PDE1C: variants seen among roughly 807,000 people sequenced by gnomAD.
PDE1C encodes the protein phosphodiesterase 1C, also known as dual specificity calcium/calmodulin-dependent 3',5'-cyclic nucleotide phosphodiesterase 1C.
In PDE1C, 62 loss-of-function variants were observed where a neutral mutation model predicts 93.1. The observed-to-expected ratio is 0.67, with a 90% CI of 0.54 to 0.82. The LOEUF (loss-of-function observed/expected upper bound fraction) is 0.82, where lower values mean the gene tolerates loss of function less well. Ranked by LOEUF, PDE1C falls within the 40% of genes least tolerant of loss-of-function variation. The pLI, the probability that PDE1C is intolerant of heterozygous loss-of-function variation, is 0.00. For missense variants in PDE1C, 742 were observed against 884.6 expected (o/e 0.84, Z 2.04); for synonymous variants, 325 against 310.1 (o/e 1.05, Z -0.50).
intron 13 of PDE1C, among the ~76,000 whole-genome samples, chr7:31,824,349 T>C (rs759667110): frequency 2.0e-5 from 3 of 152,064 alleles, no homozygotes; most frequent in Non-Finnish European, 4.4e-5. Context: ...ATGGGGGAAG[T>C]GAGACAATTG....
the PDE1C span, among the ~76,000 whole-genome samples, chr7:31,628,550 C>T: frequency 6.6e-6 from 1 of 151,702 alleles, no homozygotes; most frequent in African/African-American, 2.4e-5. Flanking sequence ...CTCTGCTTCC[C>T]GGGTTCACGC....
At chr7:31,927,986 C>T (rs991282042) in intron 2 of PDE1C, among the ~76,000 whole-genome samples, 20 of 152,018 alleles carry the variant, frequency 1.3e-4, no homozygotes, top group African/African-American at 4.8e-4. Flanking sequence ...TAATAACAAG[C>T]TCCACTGAGC....
chr7:32,028,500 G>GTTA (rs997694208), intron 2 of PDE1C, among the ~76,000 whole-genome samples: 1 of 151,852 alleles, frequency 6.6e-6, no homozygotes, highest in East Asian at 1.9e-4. Flanking sequence ...GTTTCTTATT[G>GTTA]TTATTATTAT....
intron 2 of PDE1C, among the ~76,000 whole-genome samples, chr7:31,975,953 A>G (rs1028213483): frequency 1.3e-5 from 2 of 152,234 alleles, no homozygotes; most frequent in African/African-American, 4.8e-5. Context: ...ATGTGCATTC[A>G]GTCTATCCCA....
chr7:32,282,293 A>G (rs1402462179), intron 1 of PDE1C, among the ~76,000 whole-genome samples: 1 of 151,960 alleles, frequency 6.6e-6, no homozygotes, highest in Non-Finnish European at 1.5e-5. Flanking sequence ...CCTGACTAAC[A>G]TGGAGAAACC....
intron 2 of PDE1C, among the ~76,000 whole-genome samples, chr7:31,993,449 G>T (rs930524054): frequency 2.0e-5 from 3 of 152,186 alleles, no homozygotes; most frequent in Admixed American, 2.0e-4. Context: ...AAGGGAACAA[G>T]AAAGAGAGGC....
chr7:32,201,652 G>A (rs745959812), intron 2 of PDE1C, among the ~76,000 whole-genome samples: 8 of 152,126 alleles, frequency 5.3e-5, no homozygotes, highest in Non-Finnish European at 1.0e-4. Flanking sequence ...AAAGGGAGGT[G>A]GAAATAAAGG....
intron 2 of PDE1C, among the ~76,000 whole-genome samples, chr7:31,988,489 A>G (rs1262105269): frequency 6.6e-6 from 1 of 152,208 alleles, no homozygotes; most frequent in Non-Finnish European, 1.5e-5. Flanking sequence ...TTCAAGAATC[A>G]TCTTTAACAT....
At chr7:31,866,500 T>C (rs1795314690) in intron 6 of PDE1C, among the ~76,000 whole-genome samples, 2 of 152,098 alleles carry the variant, frequency 1.3e-5, no homozygotes, top group African/African-American at 4.8e-5. Flanking sequence ...AAGATTTTCA[T>C]ACAGATTTCC....
At chr7:31,822,563 C>T (rs958575731) in intron 14 of PDE1C, among the ~76,000 whole-genome samples, 2 of 152,072 alleles carry the variant, frequency 1.3e-5, no homozygotes, top group African/African-American at 4.8e-5. Context: ...GACAATTTAC[C>T]ATCATCTCAG....
chr7:32,290,330 C>T (rs1487320565), intron 1 of PDE1C, among the ~76,000 whole-genome samples: 3 of 152,172 alleles, frequency 2.0e-5, no homozygotes, highest in Admixed American at 6.5e-5. Flanking sequence ...CAGAGGCAGC[C>T]AGGAGCAGGC....
At chr7:32,249,014 T>C (rs1299820424) in intron 1 of PDE1C, among the ~76,000 whole-genome samples, 3 of 152,046 alleles carry the variant, frequency 2.0e-5, no homozygotes, top group Non-Finnish European at 2.9e-5. Flanking sequence ...TTCCCTAAGA[T>C]GCTGGTGAAC....
rs1584803543 is a variant in PDE1C at position 32,122,524 on chromosome 7, A to G, written c.308+47261T>C. ...TAAAATCATAACAGTCTCTTAGACC[A>G]CAATGCAATCAAATTAAAACTCAGG... On this transcript the variant is annotated intron_variant, in intron 3 of 18. Coordinates refer to the PDE1C transcript ENST00000396193. Among the ~76,000 whole-genome samples, 7 of 152,354 alleles carry G rather than the reference A, an allele frequency of 4.6e-5. No individual in the cohort carries two copies. The South Asian group carries it at 1.4e-3, about 32-fold the overall frequency.
chr7:32,168,832 G>A (rs913297363), intron 3 of PDE1C, among the ~76,000 whole-genome samples: 2 of 152,054 alleles, frequency 1.3e-5, no homozygotes, highest in Non-Finnish European at 1.5e-5. Context: ...GGCTCTCACT[G>A]AGCAATTACA....
At chr7:31,807,501 A>G (rs554661543) in intron 16 of PDE1C, among the ~76,000 whole-genome samples, 6 of 152,134 alleles carry the variant, frequency 3.9e-5, no homozygotes, top group South Asian at 2.1e-4. Context: ...GTGATAAAAT[A>G]TAATCCACAA....
rs917341965 is a variant in PDE1C, at chr7:32,259,855, T to A, written c.85+38796A>T. 3.9e-5 allele frequency among the ~76,000 whole-genome samples: 6 copies of A among 152,138 alleles called. No homozygotes were observed. In the East Asian group the frequency reaches 5.8e-4, roughly 15 times the overall value. On this transcript the variant is annotated intron_variant, in intron 1 of 18. Transcript: ENST00000396193. ...CCAAGCAGGTGATGAATGGGTTTAC[T>A]TTGCACATTCACTTCTCAAAACCTC...
intron 2 of PDE1C, among the ~76,000 whole-genome samples, chr7:32,008,434 C>T (rs931421348): frequency 2.6e-5 from 4 of 152,128 alleles, no homozygotes; most frequent in Non-Finnish European, 4.4e-5. Context: ...CAAAGGAACT[C>T]GAGGTCCAGT....
intron 2 of PDE1C, among the ~76,000 whole-genome samples, chr7:32,022,035 G>T (rs1025714461): frequency 1.3e-5 from 2 of 151,888 alleles, no homozygotes; most frequent in Non-Finnish European, 2.9e-5. Context: ...TACATAATTA[G>T]GTTGCCTTAG....
At chr7:31,625,703 C>T in the PDE1C span, among the ~76,000 whole-genome samples, 332 of 151,960 alleles carry the variant, frequency 2.2e-3, 2 homozygotes, top group African/African-American at 7.6e-3. Context: ...AGCGCACCAA[C>T]ATGTCACATG....
Sources: allele counts gnomAD v4.1 joint callset (sites outside exome capture counted in the v4.1 genomes callset), GRCh38; gene constraint gnomAD v4.1.1; transcripts MANE v1.5; gene names NCBI Gene and HGNC (gene_info 2026-07-23, HGNC 2026-07-21).